Variants in RPIA observed in about 807,000 individuals in gnomAD.
RPIA encodes ribose 5-phosphate isomerase A.
A neutral mutation model predicts 37.8 loss-of-function variants in RPIA; 29 were observed. The observed-to-expected ratio is 0.77, with a 90% confidence interval of 0.57 to 1.05. The LOEUF is 1.05. Among genes scored for constraint, RPIA ranks in the 50% least tolerant of loss-of-function variants. RPIA has a pLI of 0.00. For missense variants in RPIA, 385 were observed against 413.6 expected (o/e 0.93, Z 0.60); for synonymous variants, 167 against 157.0 (o/e 1.06, Z -0.48).
intron 2 of RPIA, among the ~76,000 whole-genome samples, 184 bp from the exon 3 acceptor site, chr2:88,699,825 C>G (rs1363680311): frequency 6.6e-6 from 1 of 152,168 alleles, no homozygotes; most frequent in Non-Finnish European, 1.5e-5. Context: ...TTCTTGTGTC[C>G]CTATCTTCTG....
Position 88,691,748 on chromosome 2 carries a change from C to A in RPIA, c.50C>A (p.Pro17Gln), listed in dbSNP as rs777508463. Residue 17 changes from proline to glutamine, a missense_variant, in exon 1 of 9, where the codon CCG becomes CAG. By Grantham distance (76) the Pro-to-Gln change is moderately conservative. Around this residue, in one of 2 missense-constraint regions of RPIA, gnomAD observed 232 missense variants for 203.0 expected, o/e 1.14. Coordinates refer to ENST00000283646, the MANE Select transcript of RPIA (RefSeq NM_144563.3). Reference protein sequence around the residue: ...FSTLYGRVLAPLPGRAGGAAS... With the variant: ...FSTLYGRVLAQLPGRAGGAAS... ...ACCCTCTACGGGCGGGTCTTGGCCC[C>A]GCTGCCCGGGAGGGCCGGGGGCGCG... 1 of 1,595,454 alleles carries A rather than the reference C, an allele frequency of 6.3e-7. No homozygotes were observed. Among genetic ancestry groups the A allele is most frequent in the Non-Finnish European group, 8.5e-7 (1 of 1,175,694 alleles).
At chr2:88,729,772 C>T (rs1174401145) in intron 4 of RPIA, among the ~76,000 whole-genome samples, 1 of 13,046 alleles carries the variant, frequency 7.7e-5, no homozygotes, top group South Asian at 1.1e-3. Context: ...TTCAAAAAAT[C>T]AATGAATCCA....
chr2:88,698,083 TC>T (rs1235033191), intron 1 of RPIA, among the ~76,000 whole-genome samples: 2 of 149,442 alleles, frequency 1.3e-5, no homozygotes, highest in Non-Finnish European at 3.0e-5. Flanking sequence ...TTTCTTTCTT[TC>T]TTTTTTTTTT....
chr2:88,696,021 A>C (rs1573458298), intron 1 of RPIA, among the ~76,000 whole-genome samples: 1 of 151,786 alleles, frequency 6.6e-6, no homozygotes, highest in South Asian at 2.1e-4. Flanking sequence ...GACCATATCT[A>C]ATGTGAGGCC....
At chr2:88,745,787 G>A (rs1279127814) in intron 8 of RPIA, among the ~76,000 whole-genome samples, 2 of 152,182 alleles carry the variant, frequency 1.3e-5, no homozygotes, top group African/African-American at 4.8e-5. Context: ...AATTTCCTGA[G>A]TGTTCTTCAA....
intron 2 of RPIA, 65 bp downstream of exon 2, chr2:88,698,609 G>A: frequency 6.9e-7 from 1 of 1,450,362 alleles, no homozygotes; most frequent in Non-Finnish European, 9.7e-7. Context: ...GTAGAGGAGA[G>A]GGAGGAAGTG....
At chr2:88,700,234 G>A (rs1672811977) in intron 3 of RPIA, among the ~76,000 whole-genome samples, 170 bp downstream of exon 3, 1 of 152,178 alleles carries the variant, frequency 6.6e-6, no homozygotes, top group South Asian at 2.1e-4. Context: ...GTAGTTTTAG[G>A]TGCATTTGTT....
At position 88,742,759 on chromosome 2, in the gene RPIA, C is replaced by T. The variant is rs1673398227; in HGVS notation, c.838+4683C>T. Reference sequence around the variant, plus strand: ...AGTTTTCCTTGTAGAGATCTTTCACCTCCTTGGTTGGGTATACTCCTAAGT... The same window carrying T: ...AGTTTTCCTTGTAGAGATCTTTCACTTCCTTGGTTGGGTATACTCCTAAGT... On this transcript the variant is annotated intron_variant, in intron 8 of 8. Coordinates refer to ENST00000283646, the MANE Select transcript of RPIA (RefSeq NM_144563.3). 2.6e-5 allele frequency among the ~76,000 whole-genome samples: 4 copies of T among 152,046 alleles called. No homozygotes were observed. The South Asian group carries it at 6.2e-4, about 24-fold the overall frequency.
intron 3 of RPIA, among the ~76,000 whole-genome samples, chr2:88,712,960 C>A (rs894506686): frequency 6.6e-6 from 1 of 151,198 alleles, no homozygotes. Flanking sequence ...CCTCCGCCTC[C>A]CGTGTTCAAG....
chr2:88,712,638 T>G (rs1429340537), intron 3 of RPIA, among the ~76,000 whole-genome samples: 1 of 152,222 alleles, frequency 6.6e-6, no homozygotes, highest in Non-Finnish European at 1.5e-5. Flanking sequence ...GTATGATTAC[T>G]TTTCCTTGCC....
At chr2:88,719,200 C>T (rs1006809763) in intron 3 of RPIA, among the ~76,000 whole-genome samples, 1 of 152,134 alleles carries the variant, frequency 6.6e-6, no homozygotes, top group Non-Finnish European at 1.5e-5. Flanking sequence ...TTTAGGGCAG[C>T]TATAGTCAAG....
chr2:88,727,053 A>C (rs1290406684), intron 3 of RPIA, among the ~76,000 whole-genome samples: 2 of 152,098 alleles, frequency 1.3e-5, no homozygotes, highest in Non-Finnish European at 2.9e-5. Flanking sequence ...GCGATGTGTT[A>C]ATGATTGGTT....
chr2:88,735,945 C>T (rs1000676031), intron 6 of RPIA, among the ~76,000 whole-genome samples: 4 of 152,160 alleles, frequency 2.6e-5, no homozygotes, highest in African/African-American at 9.7e-5. Context: ...CACTGTTATC[C>T]GCAGCCAGGA....
At chr2:88,710,248 G>A (rs1048643586) in intron 3 of RPIA, among the ~76,000 whole-genome samples, 1 of 152,086 alleles carries the variant, frequency 6.6e-6, no homozygotes, top group African/African-American at 2.4e-5. Flanking sequence ...GTCTCACTAT[G>A]TTGTGCAGGC....
At chr2:88,693,882 T>G (rs1676978408) in intron 1 of RPIA, among the ~76,000 whole-genome samples, 1 of 152,262 alleles carries the variant, frequency 6.6e-6, no homozygotes, top group African/African-American at 2.4e-5. Context: ...TGTCTGTTTC[T>G]GTGGGTGTAG....
Position 88,727,580 on chromosome 2 carries a change from C to G in RPIA, c.403-1698C>G, listed in dbSNP as rs185069392. Among the ~76,000 whole-genome samples, 172 of 152,300 alleles carry G rather than the reference C, an allele frequency of 1.1e-3. 2 individuals are homozygous for G. Among genetic ancestry groups the G allele is most frequent in the Admixed American group, 9.2e-3 (141 of 15,296 alleles). On this transcript the variant is annotated intron_variant, in intron 3 of 8. Transcript: ENST00000283646. The stretch of plus-strand genomic sequence containing the variant: ...CCACCCTCTATCCTTCAGTCAGCCC[C>G]AGTGTGTATTGTTGCCCTCTGTTAG...
chr2:88,691,884 C>A lies in RPIA; in HGVS notation c.186C>A (p.Cys62Ter). The part of the protein sequence containing the change: ...RGGAGNTSTS[C>*]GDSNSICPAP... Reference sequence around the variant, plus strand: ...GTGCTGGCAACACAAGCACCAGCTGCGGGGACTCCAACAGCATCTGCCCGG... The same window carrying A: ...GTGCTGGCAACACAAGCACCAGCTGAGGGGACTCCAACAGCATCTGCCCGG... The change falls in exon 1 of 9, where the codon TGC (cysteine) becomes TGA (stop). Residue 62 changes from cysteine (C) to a stop codon, truncating the protein, a stop_gained. Coordinates refer to ENST00000283646, the MANE Select transcript of RPIA (RefSeq NM_144563.3). LOFTEE classifies it high-confidence loss of function. 1 of 1,596,236 alleles carries A rather than the reference C, an allele frequency of 6.3e-7. No homozygotes were observed. Among genetic ancestry groups the A allele is most frequent in the Non-Finnish European group, 8.5e-7 (1 of 1,172,638 alleles).
At chr2:88,744,682 T>G (rs1270990021) in intron 8 of RPIA, among the ~76,000 whole-genome samples, 1 of 152,258 alleles carries the variant, frequency 6.6e-6, no homozygotes, top group Non-Finnish European at 1.5e-5. Context: ...GCTTTAGTAT[T>G]AGGTGCATAT....
chr2:88,734,080 C>G (rs1259356573), intron 4 of RPIA, among the ~76,000 whole-genome samples: 1 of 151,338 alleles, frequency 6.6e-6, no homozygotes, highest in African/African-American at 2.4e-5. Flanking sequence ...ACAGAGACTT[C>G]TGAATCAGTT....
Sources: gnomAD v4.1 joint callset for allele counts (sites outside exome capture counted in the v4.1 genomes callset) on GRCh38, gnomAD v4.1.1 for gene constraint, gnomAD v4.1.1 regional missense constraint, MANE v1.5 for transcripts, NCBI Gene and HGNC (gene_info 2026-07-23, HGNC 2026-07-21) for gene names.